The following THSD4 variants were observed in gnomAD, a reference collection of about 807,000 sequenced individuals.
THSD4 encodes thrombospondin type 1 domain containing 4.
Under a neutral mutation model 119.0 loss-of-function variants are expected in THSD4, and 69 were observed. The ratio of observed to expected loss-of-function variants is 0.58; its 90% CI spans 0.48 to 0.71. The LOEUF (loss-of-function observed/expected upper bound fraction) is 0.71, where lower values mean the gene tolerates loss of function less well. Ranked by LOEUF, THSD4 falls within the 30% of genes least tolerant of loss-of-function variation. THSD4 has a pLI of 0.00. For synonymous variants in THSD4, 524 were observed against 540.4 expected, an observed-to-expected ratio of 0.97 and a Z score of 0.42; for missense variants, 1,393 against 1,391.1, an observed-to-expected ratio of 1.00 and a Z score of -0.02.
chr15:71,440,455 G>A (rs560923620), intron 7 of THSD4, among the ~76,000 whole-genome samples: 48 of 152,250 alleles, frequency 3.2e-4, no homozygotes, highest in African/African-American at 1.1e-3. Flanking sequence ...GTGTACTCAT[G>A]CTATTATTTC....
chr15:71,771,410 A>G (rs1721168357), intron 17 of THSD4, among the ~76,000 whole-genome samples: 1 of 152,208 alleles, frequency 6.6e-6, no homozygotes, highest in Admixed American at 6.5e-5. Context: ...TGTCTAAGCC[A>G]CCCACCAAGA....
intron 8 of THSD4, among the ~76,000 whole-genome samples, chr15:71,678,690 G>GCTTTAA (rs1261372665): frequency 2.0e-5 from 3 of 152,132 alleles, no homozygotes; most frequent in African/African-American, 7.2e-5. Flanking sequence ...AGCATCAACA[G>GCTTTAA]CTTTAAGAAT....
rs555789074 is a variant in THSD4 at position 71,677,285 on chromosome 15, C to T, written c.1357+16551C>T. 9.5e-4 allele frequency among the ~76,000 whole-genome samples: 144 copies of T among 152,306 alleles called. No homozygotes were observed. In the South Asian group the frequency reaches 0.011, roughly 12 times the overall value. ...TCCTGACTCTTGGCTGAATGTTCCTCGTCAATGCTGGTAGATGAGGAAAGT... is the reference window on the plus strand; with the variant it reads ...TCCTGACTCTTGGCTGAATGTTCCTTGTCAATGCTGGTAGATGAGGAAAGT... On this transcript the variant is annotated intron_variant, in intron 8 of 17. Transcript: ENST00000261862.
At chr15:71,295,599 G>C (rs2044851857) in intron 6 of THSD4, among the ~76,000 whole-genome samples, 1 of 151,932 alleles carries the variant, frequency 6.6e-6, no homozygotes, top group African/African-American at 2.4e-5. Flanking sequence ...CTGGGTTTCA[G>C]GTTCCTCATT....
At chr15:71,705,575 C>A (rs987749028) in intron 8 of THSD4, among the ~76,000 whole-genome samples, 40 of 152,132 alleles carry the variant, frequency 2.6e-4, no homozygotes, top group African/African-American at 9.4e-4. Context: ...CCAACACTCT[C>A]AGCAGCTGCC....
intron 7 of THSD4, among the ~76,000 whole-genome samples, chr15:71,519,491 A>G (rs1366625290): frequency 6.6e-6 from 1 of 152,002 alleles, no homozygotes; most frequent in African/African-American, 2.4e-5. Flanking sequence ...CCTCCCAAGT[A>G]GCTGGGATTA....
chr15:71,420,713 A>G (rs1489096586), intron 7 of THSD4, among the ~76,000 whole-genome samples: 1 of 107,920 alleles, frequency 9.3e-6, no homozygotes. Flanking sequence ...ATCACTTAAC[A>G]TTTATTGCAA....
rs754808213 is a variant in THSD4, at chr15:71,608,241, T to TACACACACAC, written c.1153-52288_1153-52287insCACACACACA. On this transcript the variant is annotated intron_variant, in intron 7 of 17. Transcript: ENST00000261862. ...CTGTCTCAAAAAAAAAAAAAAAATA[T>TACACACACAC]ATATATATACACACACACACACACA... Among the ~76,000 whole-genome samples, 81 of 80,378 alleles carry TACACACACAC rather than the reference T, an allele frequency of 1.0e-3. 1 individual carries two copies. The highest frequency in any genetic ancestry group is 2.4e-3 in the African/African-American group (63 of 25,892). 52.7% of individuals were successfully genotyped at this position (80,378 alleles called of 152,430 possible).
At chr15:71,747,114 A>C in intron 13 of THSD4, 72 bp downstream of exon 13, 12 of 1,481,048 alleles carry the variant, frequency 8.1e-6, no homozygotes, top group African/African-American at 1.4e-5. Context: ...CTCCCCCACC[A>C]AGACCTGAGA....
intron 7 of THSD4, among the ~76,000 whole-genome samples, chr15:71,444,559 C>G (rs978249026): frequency 6.6e-6 from 1 of 152,236 alleles, no homozygotes; most frequent in Non-Finnish European, 1.5e-5. Context: ...ACCCACACAT[C>G]TCACAGCACC....
chr15:71,600,976 AC>A (rs1351177821), intron 7 of THSD4, among the ~76,000 whole-genome samples: 7 of 151,880 alleles, frequency 4.6e-5, no homozygotes, highest in African/African-American at 1.7e-4. Flanking sequence ...CAAACTCCTG[AC>A]CCCAGGTGAT....
Position 71,220,075 on chromosome 15 carries a change from G to A in THSD4, c.464+4676G>A, listed in dbSNP as rs143290181. On this transcript the variant is annotated intron_variant, in intron 4 of 17. Coordinates refer to ENST00000261862, the MANE Select transcript of THSD4 (RefSeq NM_024817.3). ...GTAATCTTCTTTGCATCTAATCCTA[G>A]GCATCACGTGAGTTCAAAAAAAAAA... is the stretch of plus-strand genomic sequence containing the variant. Among the ~76,000 whole-genome samples the A allele has an allele frequency of 5.2e-4, 72 of 139,410 alleles. No homozygotes were observed. The East Asian group carries it at 0.015, about 30-fold the overall frequency. 91.5% of individuals were successfully genotyped at this position (139,410 alleles called of 152,430 possible).
intron 8 of THSD4, among the ~76,000 whole-genome samples, chr15:71,662,119 T>C (rs2051321684): frequency 6.6e-6 from 1 of 152,218 alleles, no homozygotes; most frequent in Non-Finnish European, 1.5e-5. Flanking sequence ...CAGCAGTCAA[T>C]GGCTGCAGCA....
intron 5 of THSD4, among the ~76,000 whole-genome samples, chr15:71,244,024 A>G (rs1268122843): frequency 6.6e-6 from 1 of 150,990 alleles, no homozygotes; most frequent in Non-Finnish European, 1.5e-5. Context: ...TGACCTTGTG[A>G]TCTGCCTGCC....
chr15:71,349,087 A>G (rs938545799), intron 6 of THSD4, among the ~76,000 whole-genome samples: 1 of 120,288 alleles, frequency 8.3e-6, no homozygotes, highest in African/African-American at 3.1e-5. Flanking sequence ...GTGGAGTGGT[A>G]GGAAAACCAG....
At chr15:71,109,356 CT>C (rs2141343032) in intron 1 of THSD4, among the ~76,000 whole-genome samples, 1 of 152,306 alleles carries the variant, frequency 6.6e-6, no homozygotes, top group South Asian at 2.1e-4. Flanking sequence ...CCAAATGCAG[CT>C]TGAAATTTTT....
intron 3 of THSD4, 130 bp from the exon 4 acceptor site, chr15:71,214,905 T>A (rs2043917744): frequency 2.2e-5 from 26 of 1,192,756 alleles, no homozygotes; most frequent in Non-Finnish European, 2.7e-5. Context: ...CAGGCTGGAT[T>A]GTATTAATAC....
chr15:71,594,362 C>T (rs534371092), intron 7 of THSD4, among the ~76,000 whole-genome samples: 127 of 152,266 alleles, frequency 8.3e-4, no homozygotes, highest in African/African-American at 2.9e-3. Flanking sequence ...GCATTTGCCA[C>T]CACGACTGGC....
At chr15:71,426,364 GC>G (rs2046866577) in intron 7 of THSD4, among the ~76,000 whole-genome samples, 4 of 114,742 alleles carry the variant, frequency 3.5e-5, no homozygotes, top group Non-Finnish European at 7.1e-5. Flanking sequence ...TGTAAGTATA[GC>G]TGTGTGTGTG....
Sources: gnomAD v4.1 joint callset for allele counts (sites outside exome capture counted in the v4.1 genomes callset) on GRCh38, gnomAD v4.1.1 for gene constraint, MANE v1.5 for transcripts, NCBI Gene and HGNC (gene_info 2026-07-23, HGNC 2026-07-21) for gene names.